The following PCDH15 variants were observed in gnomAD, a reference collection of about 807,000 sequenced individuals.
PCDH15 encodes the protein protocadherin related 15.
A neutral mutation model predicts 178.5 loss-of-function variants in PCDH15; 129 were observed. That is an observed-to-expected ratio of 0.72 (90% confidence interval 0.63 to 0.84). The LOEUF is 0.84. PCDH15 is among the 40% of genes least tolerant of loss of function. PCDH15 has a pLI of 0.00. For missense variants in PCDH15, 2,230 were observed against 2,099.9 expected (o/e 1.06, Z -1.21); for synonymous variants, 800 against 732.0 (o/e 1.09, Z -1.50).
intron 1 of PCDH15, among the ~76,000 whole-genome samples, chr10:54,722,775 A>T (rs923168831): frequency 3.3e-5 from 5 of 151,726 alleles, no homozygotes; most frequent in Non-Finnish European, 5.9e-5. Flanking sequence ...CCAAATCAAG[A>T]ATCAATCTCA....
chr10:54,211,162 T>C (rs763104259), intron 10 of PCDH15, among the ~76,000 whole-genome samples: 3 of 152,156 alleles, frequency 2.0e-5, no homozygotes, highest in Non-Finnish European at 4.4e-5. Flanking sequence ...TTCTTAAATG[T>C]GCTTTCATAT....
chr10:53,926,582 G>T (rs577954376), intron 25 of PCDH15, among the ~76,000 whole-genome samples: 2 of 152,160 alleles, frequency 1.3e-5, no homozygotes, highest in East Asian at 3.9e-4. Context: ...GCAATTCACT[G>T]TCTTCTGAAG....
intron 2 of PCDH15, among the ~76,000 whole-genome samples, chr10:55,144,121 T>C (rs543199132): frequency 6.6e-6 from 1 of 152,212 alleles, no homozygotes; most frequent in Non-Finnish European, 1.5e-5. Flanking sequence ...ATAAAAATGT[T>C]TTTAAGTCTC....
intron 2 of PCDH15, among the ~76,000 whole-genome samples, chr10:55,346,952 C>G (rs1005835212): frequency 5.3e-5 from 8 of 152,018 alleles, no homozygotes; most frequent in African/African-American, 1.2e-4. Flanking sequence ...CGGTGACTCA[C>G]ACATGTAATC....
chr10:54,301,338 C>CA (rs2060138532), intron 8 of PCDH15, among the ~76,000 whole-genome samples: 1 of 152,010 alleles, frequency 6.6e-6, no homozygotes, highest in Non-Finnish European at 1.5e-5. Context: ...CGATTGTATC[C>CA]AAAATATAAG....
intron 1 of PCDH15, among the ~76,000 whole-genome samples, chr10:54,731,563 T>TATACACACACACAC: frequency 3.2e-4 from 16 of 49,930 alleles, no homozygotes; most frequent in African/African-American, 1.0e-3. Context: ...TATATATATA[T>TATACACACACACAC]ACACACACAC....
chr10:54,314,811 G>C (rs1160764959), intron 8 of PCDH15, among the ~76,000 whole-genome samples: 1 of 152,002 alleles, frequency 6.6e-6, no homozygotes, highest in Admixed American at 6.6e-5. Flanking sequence ...TCCTGTGTTA[G>C]TTTGCTAAGG....
chr10:54,043,882 GA>G (rs2093602822), intron 18 of PCDH15, among the ~76,000 whole-genome samples: 1 of 152,070 alleles, frequency 6.6e-6, no homozygotes, highest in Admixed American at 6.6e-5. Flanking sequence ...CCCTCGCCTG[GA>G]GATCAGGTAA....
At chr10:55,046,309 G>A (rs1841004517) in intron 2 of PCDH15, among the ~76,000 whole-genome samples, 1 of 151,898 alleles carries the variant, frequency 6.6e-6, no homozygotes, top group Non-Finnish European at 1.5e-5. Context: ...AAAAACGAAA[G>A]AAATCTCACA....
At chr10:54,078,706 T>C (rs12246412) in intron 17 of PCDH15, among the ~76,000 whole-genome samples, 14,281 of 151,988 alleles carry the variant, frequency 0.094, 1,340 homozygotes, top group African/African-American at 0.25. Context: ...ATGAGATCGT[T>C]CAAATAACAC....
intron 8 of PCDH15, among the ~76,000 whole-genome samples, chr10:54,306,539 C>T (rs1047014269): frequency 3.9e-5 from 6 of 151,934 alleles, no homozygotes; most frequent in Non-Finnish European, 8.8e-5. Context: ...TTACTTAAAG[C>T]CTTCAACTGA....
At chr10:55,066,319 T>A (rs1270232907) in intron 2 of PCDH15, among the ~76,000 whole-genome samples, 2 of 151,070 alleles carry the variant, frequency 1.3e-5, no homozygotes, top group Non-Finnish European at 3.0e-5. Flanking sequence ...TATATTTAAG[T>A]TTTTTACTGT....
chr10:54,917,120 T>C (rs1837356460), intron 2 of PCDH15, among the ~76,000 whole-genome samples: 1 of 152,166 alleles, frequency 6.6e-6, no homozygotes, highest in African/African-American at 2.4e-5. Flanking sequence ...AGTAATATAT[T>C]AGTTGGACCA....
Position 54,183,156 on chromosome 10 carries a change from T to C in PCDH15, c.1590+288A>G, listed in dbSNP as rs1348519838. 2.6e-5 allele frequency among the ~76,000 whole-genome samples: 4 copies of C among 152,262 alleles called. No homozygotes were observed. In the East Asian group the frequency reaches 5.8e-4, roughly 22 times the overall value. On this transcript the variant is annotated intron_variant, in intron 13 of 37. Transcript: ENST00000644397. ...GCCACCATACCCGGCTAATTTTGTATTTTTAGTAGAGACAGCGTTGGTCAG... is the reference window on the plus strand; with the variant it reads ...GCCACCATACCCGGCTAATTTTGTACTTTTAGTAGAGACAGCGTTGGTCAG...
At chr10:55,568,849 C>T (rs534587320) in intron 2 of PCDH15, among the ~76,000 whole-genome samples, 2 of 152,034 alleles carry the variant, frequency 1.3e-5, no homozygotes, top group African/African-American at 4.8e-5. Flanking sequence ...GCAAAGATAC[C>T]CAGGTCTTAA....
intron 2 of PCDH15, among the ~76,000 whole-genome samples, chr10:55,137,680 T>C (rs552008358): frequency 2.6e-5 from 4 of 152,290 alleles, no homozygotes; most frequent in East Asian, 1.9e-4. Context: ...ACAAATATTA[T>C]ATGTTACTTA....
intron 2 of PCDH15, among the ~76,000 whole-genome samples, chr10:55,614,049 G>C (rs1843426053): frequency 6.6e-6 from 1 of 151,504 alleles, no homozygotes; most frequent in Admixed American, 6.6e-5. Context: ...GGGAGACGGA[G>C]CTTGCAGTGA....
At chr10:54,516,853 G>A (rs757131436) in intron 3 of PCDH15, among the ~76,000 whole-genome samples, 5 of 152,222 alleles carry the variant, frequency 3.3e-5, no homozygotes, top group African/African-American at 1.2e-4. Context: ...CAGAGTAACA[G>A]CAGATCTCTC....
intron 2 of PCDH15, among the ~76,000 whole-genome samples, chr10:55,327,126 C>A (rs1287191204): frequency 5.3e-5 from 8 of 151,936 alleles, no homozygotes; most frequent in Admixed American, 5.3e-4. Flanking sequence ...AGGACCAGAA[C>A]CCTCATGAAT....
Sources: allele counts gnomAD v4.1 joint callset (sites outside exome capture counted in the v4.1 genomes callset), GRCh38; gene constraint gnomAD v4.1.1; transcripts MANE v1.5; gene names NCBI Gene and HGNC (gene_info 2026-07-23, HGNC 2026-07-21).